VPS13D: variants seen among roughly 807,000 people sequenced by gnomAD.
VPS13D encodes intermembrane lipid transfer protein VPS13D.
VPS13D carries 187 observed loss-of-function variants against 461.9 expected under a neutral mutation model. The ratio of observed to expected loss-of-function variants is 0.40; its 90% CI spans 0.36 to 0.46. The LOEUF (loss-of-function observed/expected upper bound fraction) is 0.46, where lower values mean the gene tolerates loss of function less well. VPS13D is among the 20% of genes least tolerant of loss of function. VPS13D has a pLI of 0.60. For missense variants in VPS13D, 4,711 were observed against 5,364.9 expected (o/e 0.88, Z 3.81); for synonymous variants, 1,951 against 1,986.3 (o/e 0.98, Z 0.47).
chr1:12,338,160 G>A (rs909188470), intron 39 of VPS13D, 71 bp from the exon 40 acceptor site: 102 of 1,363,040 alleles, frequency 7.5e-5, no homozygotes, highest in Middle Eastern at 3.6e-4. Context: ...TGTGCTTATC[G>A]TTTGGAAGCA....
At chr1:12,311,956 A>G in intron 29 of VPS13D, 31 bp downstream of exon 29, 1 of 1,556,214 alleles carries the variant, frequency 6.4e-7, no homozygotes, top group Non-Finnish European at 8.8e-7. Flanking sequence ...TTATACTGTT[A>G]GTAACAGTAT....
chr1:12,253,112 C>T (rs906600255), intron 6 of VPS13D, among the ~76,000 whole-genome samples: 1 of 149,606 alleles, frequency 6.7e-6, no homozygotes, highest in Non-Finnish European at 1.5e-5. Context: ...GAGCCGAGAT[C>T]GTGCCGTTGT....
intron 21 of VPS13D, 86 bp downstream of exon 21, chr1:12,283,822 T>C (rs569188801): frequency 3.7e-6 from 5 of 1,337,774 alleles, no homozygotes; most frequent in Admixed American, 5.5e-5. Flanking sequence ...ACATTTACTT[T>C]GGAAAATATC....
chr1:12,469,932 G>T (rs964448812), intron 67 of VPS13D, among the ~76,000 whole-genome samples: 2 of 152,184 alleles, frequency 1.3e-5, no homozygotes, highest in African/African-American at 4.8e-5. Flanking sequence ...ACTCGAGAAG[G>T]TGTATCTGTT....
At chr1:12,377,698 T>G (rs1356588165) in intron 55 of VPS13D, among the ~76,000 whole-genome samples, 1 of 150,598 alleles carries the variant, frequency 6.6e-6, no homozygotes, top group Non-Finnish European at 1.5e-5. Flanking sequence ...TGCATGCCTG[T>G]AATCCCAGCT....
intron 21 of VPS13D, among the ~76,000 whole-genome samples, chr1:12,287,165 A>G (rs928737733): frequency 2.0e-5 from 3 of 152,100 alleles, no homozygotes; most frequent in Non-Finnish European, 2.9e-5. Flanking sequence ...CCAGCTGACT[A>G]GAGGTTTTTA....
At chr1:12,415,894 A>AG (rs149998342) in intron 64 of VPS13D, among the ~76,000 whole-genome samples, 28,778 of 152,058 alleles carry the variant, frequency 0.19, 4,709 homozygotes, top group African/African-American at 0.44. Context: ...GAAAGAGTGG[A>AG]GGGGCCAGTC....
At position 12,401,707 on chromosome 1, in the gene VPS13D, A is replaced by G. The variant is rs375084194; in HGVS notation, c.11881+3A>G. 5.9e-5 allele frequency: 95 copies of G among 1,610,242 alleles called. No homozygotes were observed. Among genetic ancestry groups the G allele is most frequent in the Non-Finnish European group, 7.9e-5 (93 of 1,176,952 alleles). On this transcript the variant is annotated splice_donor_region_variant and intron_variant, in intron 62 of 69. Transcript: ENST00000620676. ...TGGCTACGATCAAGCAGAATCAGGT[A>G]ATGTTGAATGTTCTATGTCTGTGTT... is the stretch of plus-strand genomic sequence containing the variant.
intron 67 of VPS13D, among the ~76,000 whole-genome samples, chr1:12,485,576 C>A (rs559345546): frequency 9.2e-5 from 14 of 152,332 alleles, no homozygotes; most frequent in African/African-American, 3.1e-4. Flanking sequence ...TACAAATTTT[C>A]AGCTTTTTGC....
chr1:12,259,808 A>G (rs1641047203), intron 10 of VPS13D, among the ~76,000 whole-genome samples: 1 of 152,120 alleles, frequency 6.6e-6, no homozygotes, highest in South Asian at 2.1e-4. Context: ...ACAAGTGAAA[A>G]TGACCACGTT....
chr1:12,508,009 C>T (rs1211904286), intron 69 of VPS13D, among the ~76,000 whole-genome samples: 3 of 152,250 alleles, frequency 2.0e-5, no homozygotes, highest in East Asian at 1.9e-4. Flanking sequence ...CTCTCTCCTC[C>T]GGAGTCCTTT....
At chr1:12,348,251 A>G (rs1643718954) in intron 44 of VPS13D, among the ~76,000 whole-genome samples, 1 of 152,242 alleles carries the variant, frequency 6.6e-6, no homozygotes, top group African/African-American at 2.4e-5. Context: ...GCAGTACCCA[A>G]GCCATTGTTT....
At chr1:12,393,723 A>G (rs1644459057) in intron 60 of VPS13D, among the ~76,000 whole-genome samples, 1 of 152,162 alleles carries the variant, frequency 6.6e-6, no homozygotes, top group Non-Finnish European at 1.5e-5. Context: ...AGGCAGCTCT[A>G]AGGGCTTCCA....
At chr1:12,458,685 T>C (rs992516117) in intron 66 of VPS13D, among the ~76,000 whole-genome samples, 1 of 152,148 alleles carries the variant, frequency 6.6e-6, no homozygotes, top group Non-Finnish European at 1.5e-5. Flanking sequence ...CCTTTACCAA[T>C]TTGTCTCACT....
chr1:12,390,645 G>A (rs916856714), intron 60 of VPS13D, among the ~76,000 whole-genome samples: 2 of 152,196 alleles, frequency 1.3e-5, no homozygotes, highest in Middle Eastern at 3.2e-3. Flanking sequence ...GATGGAAGAG[G>A]TACAATATAA....
chr1:12,500,645 A>G (rs1174578395), intron 68 of VPS13D, among the ~76,000 whole-genome samples: 1 of 152,054 alleles, frequency 6.6e-6, no homozygotes, highest in African/African-American at 2.4e-5. Flanking sequence ...AGTAACATTT[A>G]TGGGATTTTT....
intron 30 of VPS13D, among the ~76,000 whole-genome samples, chr1:12,317,350 AAC>A (rs1478015230): frequency 1.3e-5 from 2 of 152,110 alleles, no homozygotes; most frequent in African/African-American, 4.8e-5. Flanking sequence ...TTCGTAAGAT[AAC>A]ACAGCTCGTA....
rs187969506 is a variant in VPS13D at position 12,275,111 on chromosome 1, C to G, written c.2237-714C>G. Among the ~76,000 whole-genome samples, 6 of 151,994 alleles carry G rather than the reference C, an allele frequency of 3.9e-5. No individual in the cohort carries two copies. The South Asian group carries it at 1.2e-3, about 32-fold the overall frequency. ...GCAGGCACATGTAATCCCAGCTGTC[C>G]GGGAGGCTGAGGCAGGAGAATCTCT... On this transcript the variant is annotated intron_variant, in intron 18 of 69. Coordinates refer to ENST00000620676, the MANE Select transcript of VPS13D (RefSeq NM_015378.4).
intron 35 of VPS13D, among the ~76,000 whole-genome samples, chr1:12,325,267 T>C (rs571011466): frequency 6.6e-6 from 1 of 152,002 alleles, no homozygotes; most frequent in East Asian, 1.9e-4. Flanking sequence ...CTTCTCTTTT[T>C]TTTTTTCTTT....
Sources: allele counts gnomAD v4.1 joint callset (sites outside exome capture counted in the v4.1 genomes callset), GRCh38; gene constraint gnomAD v4.1.1; transcripts MANE v1.5; gene names NCBI Gene and HGNC (gene_info 2026-07-23, HGNC 2026-07-21).